Variants in CFAP47 observed in about 807,000 individuals in gnomAD.
The protein encoded by CFAP47 is cilia- and flagella-associated protein 47.
In CFAP47, 29 loss-of-function variants were observed where a neutral mutation model predicts 148.1. The observed-to-expected ratio is 0.20, with a 90% CI of 0.15 to 0.27. The LOEUF (loss-of-function observed/expected upper bound fraction) is 0.27, where lower values mean the gene tolerates loss of function less well. Ranked by LOEUF, CFAP47 falls within the 10% of genes least tolerant of loss-of-function variation. The pLI, the probability that CFAP47 is intolerant of heterozygous loss-of-function variation, is 1.00. For missense variants in CFAP47, 1,872 were observed against 1,697.5 expected, an observed-to-expected ratio of 1.10 and a Z score of -1.81; for synonymous variants, 664 against 577.3, an observed-to-expected ratio of 1.15 and a Z score of -2.15.
At chrX:36,169,096 A>G (rs1939532446) in intron 39 of CFAP47, among the ~76,000 whole-genome samples, 1 of 110,654 alleles carries the variant, frequency 9.0e-6, no homozygotes, top group Non-Finnish European at 1.9e-5. Flanking sequence ...ACATAATCCT[A>G]TTGTCTTCTA....
At chrX:36,223,262 G>A (rs1940232978) in intron 45 of CFAP47, among the ~76,000 whole-genome samples, 1 of 110,282 alleles carries the variant, frequency 9.1e-6, no homozygotes, top group African/African-American at 3.3e-5. Context: ...TTATAGCAAT[G>A]CGAGAATGGC....
At chrX:35,974,958 C>T (rs964195326) in intron 13 of CFAP47, among the ~76,000 whole-genome samples, 189 bp from the exon 14 acceptor site, 2 of 110,722 alleles carry the variant, frequency 1.8e-5, no homozygotes, top group African/African-American at 6.6e-5. Flanking sequence ...CCAATAATGT[C>T]CAAACATTTA....
At chrX:36,319,986 T>C (rs1353948370) in intron 57 of CFAP47, among the ~76,000 whole-genome samples, 2 of 110,737 alleles carry the variant, frequency 1.8e-5, no homozygotes, top group African/African-American at 6.6e-5. Context: ...CCATCCCGCA[T>C]GGCTAATTTT....
intron 33 of CFAP47, among the ~76,000 whole-genome samples, chrX:36,114,028 T>G (rs966804126): frequency 8.2e-5 from 9 of 110,247 alleles, no homozygotes; most frequent in Admixed American, 7.8e-4. Flanking sequence ...GCCAGGATGG[T>G]CTCGATCTGC....
intron 3 of CFAP47, among the ~76,000 whole-genome samples, chrX:35,941,862 G>A (rs1216083405): frequency 9.0e-6 from 1 of 111,528 alleles, no homozygotes; most frequent in Non-Finnish European, 1.9e-5. Context: ...ATAAATATTT[G>A]TCTTCTTTCT....
rs746012929 is a variant in CFAP47, at chrX:36,085,559, A to G, written c.4916+21A>G. ...CTCAAGTAAGTGCCTGGATGTGCTCATATAAGCATATAACTCTGGCTTGGA... is the reference window on the plus strand; with the variant it reads ...CTCAAGTAAGTGCCTGGATGTGCTCGTATAAGCATATAACTCTGGCTTGGA... On this transcript the variant is annotated intron_variant, in intron 30 of 63. Transcript: ENST00000378653. 5.1e-6 allele frequency: 5 copies of G among 973,847 alleles called. No individual in the cohort carries two copies. The East Asian group carries it at 9.2e-5, about 18-fold the overall frequency. The allele number at this position is 973,847 out of a possible 1,213,427, so 80.3% of individuals were successfully genotyped here.
At chrX:36,372,521 C>G (rs1271595667) in intron 62 of CFAP47, among the ~76,000 whole-genome samples, 7 of 111,617 alleles carry the variant, frequency 6.3e-5, no homozygotes, top group African/African-American at 2.3e-4. Context: ...AGTGCATTTA[C>G]ACAAACCTAG....
At chrX:36,075,296 C>T (rs983896035) in intron 29 of CFAP47, among the ~76,000 whole-genome samples, 3 of 109,443 alleles carry the variant, frequency 2.7e-5, no homozygotes, top group African/African-American at 1.0e-4. Context: ...GGCGCAATCT[C>T]GGCTAACTGC....
intron 62 of CFAP47, among the ~76,000 whole-genome samples, chrX:36,378,336 A>T (rs142607929): frequency 8.9e-6 from 1 of 112,054 alleles, no homozygotes; most frequent in African/African-American, 3.2e-5. Context: ...GAAATTATAA[A>T]GTGCTTTCAT....
At chrX:35,944,848 G>A in intron 3 of CFAP47, among the ~76,000 whole-genome samples, 1 of 111,875 alleles carries the variant, frequency 8.9e-6, no homozygotes, top group Non-Finnish European at 1.9e-5. Flanking sequence ...TGTAGCTGTG[G>A]GTACCCTTAT....
chrX:36,236,665 A>G, intron 47 of CFAP47, 21 bp from the exon 48 acceptor site: 1 of 520,807 alleles, frequency 1.9e-6, no homozygotes, highest in Non-Finnish European at 3.5e-6. Context: ...ATAGACCTGA[A>G]ATTTGTCTGG....
chrX:36,246,234 G>A (rs1940613288), intron 48 of CFAP47, among the ~76,000 whole-genome samples: 2 of 111,537 alleles, frequency 1.8e-5, no homozygotes, highest in Non-Finnish European at 3.8e-5. Context: ...AAATAAGCCT[G>A]TTAAAAATTT....
intron 39 of CFAP47, among the ~76,000 whole-genome samples, chrX:36,168,017 A>AATAAC (rs199566519): frequency 0.072 from 8,017 of 110,672 alleles, 336 homozygotes; most frequent in Non-Finnish European, 0.11. Flanking sequence ...TTATTAAGAT[A>AATAAC]GCCACTCCAG....
chrX:36,336,299 A>T (rs1042340167), intron 57 of CFAP47, among the ~76,000 whole-genome samples: 16 of 85,058 alleles, frequency 1.9e-4, no homozygotes, highest in East Asian at 3.6e-4. Flanking sequence ...ACACACACAC[A>T]CTCACATTCT....
At chrX:36,067,812 G>T (rs760951148) in intron 27 of CFAP47, among the ~76,000 whole-genome samples, 1 of 109,395 alleles carries the variant, frequency 9.1e-6, no homozygotes, top group Non-Finnish European at 1.9e-5. Context: ...ACAGGTGCCC[G>T]CCACCATGGC....
chrX:36,343,460 T>C (rs1386898159), intron 57 of CFAP47, among the ~76,000 whole-genome samples: 1 of 111,858 alleles, frequency 8.9e-6, no homozygotes, highest in Admixed American at 9.5e-5. Flanking sequence ...TGTGGAGAAA[T>C]AGGAACACTT....
At chrX:36,266,090 G>A (rs1940888039) in intron 49 of CFAP47, among the ~76,000 whole-genome samples, 1 of 111,427 alleles carries the variant, frequency 9.0e-6, no homozygotes. Flanking sequence ...AGGAGCTGAG[G>A]CACTGCCAGA....
chrX:35,962,926 GGT>G (rs59734260), intron 8 of CFAP47, among the ~76,000 whole-genome samples: 8,356 of 90,215 alleles, frequency 0.093, 287 homozygotes, highest in African/African-American at 0.13. Context: ...AATAAAATGT[GGT>G]GTGTGTGTGT....
At chrX:36,106,430 A>G (rs577835015) in intron 33 of CFAP47, among the ~76,000 whole-genome samples, 2 of 111,698 alleles carry the variant, frequency 1.8e-5, no homozygotes, top group Middle Eastern at 4.2e-3. Context: ...GTAATTTATA[A>G]AGATCAGAAA....
Sources: gnomAD v4.1 joint callset for allele counts (sites outside exome capture counted in the v4.1 genomes callset) on GRCh38, gnomAD v4.1.1 for gene constraint, MANE v1.5 for transcripts, NCBI Gene and HGNC (gene_info 2026-07-23, HGNC 2026-07-21) for gene names.